Variants in BIN2 observed in about 807,000 individuals in gnomAD.
BIN2 encodes the protein bridging integrator 2.
A neutral mutation model predicts 67.9 loss-of-function variants in BIN2; 43 were observed. That is an observed-to-expected ratio of 0.63 (90% CI 0.50 to 0.82). The LOEUF (loss-of-function observed/expected upper bound fraction) is 0.82. Among genes scored for constraint, BIN2 ranks in the 40% least tolerant of loss-of-function variants. The probability of loss-of-function intolerance (pLI) is 0.00; values close to 1 mark genes in which losing one functional copy is unlikely to be tolerated. For synonymous variants in BIN2, 244 were observed against 246.8 expected (o/e 0.99, Z 0.11); for missense variants, 581 against 671.6 (o/e 0.87, Z 1.49).
chr12:51,297,394 C>T (rs1028416149), intron 7 of BIN2: 13 of 322,006 alleles, frequency 4.0e-5, no homozygotes, highest in South Asian at 4.9e-5. Flanking sequence ...TGGTAAAACC[C>T]GTCTCTACTA....
Position 51,284,791 on chromosome 12 carries a change from C to T in BIN2, c.1597-4G>A, listed in dbSNP as rs749398113. 1.4e-5 allele frequency: 22 copies of T among 1,611,776 alleles called. No individual in the cohort carries two copies. Among genetic ancestry groups the T allele is most frequent in the East Asian group, 4.5e-5 (2 of 44,850 alleles). The stretch of plus-strand genomic sequence containing the variant: ...AGACTTGAAGCTGGTCTTGGCCCTA[C>T]AAAGAGAAGAGTTCTGCCAGTAAGA... On this transcript the variant is annotated splice_region_variant and splice_polypyrimidine_tract_variant and intron_variant, in intron 11 of 12. Coordinates refer to ENST00000615107, the MANE Select transcript of BIN2 (RefSeq NM_016293.4).
chr12:51,303,063 A>G (rs372942644), intron 3 of BIN2, 24 bp downstream of exon 3: 10 of 1,612,206 alleles, frequency 6.2e-6, no homozygotes, highest in Non-Finnish European at 8.5e-6. Flanking sequence ...TGCCCTCTGG[A>G]TTCTCCCATG....
intron 9 of BIN2, among the ~76,000 whole-genome samples, chr12:51,294,335 A>G (rs1159851812): frequency 1.3e-5 from 2 of 152,158 alleles, no homozygotes; most frequent in African/African-American, 4.8e-5. Context: ...CTGGGAGGCC[A>G]AGGCGGGCGG....
chr12:51,317,316 T>G (rs183451332), intron 1 of BIN2, among the ~76,000 whole-genome samples: 1 of 152,310 alleles, frequency 6.6e-6, no homozygotes, highest in East Asian at 1.9e-4. Context: ...AAGACTGATC[T>G]AGGAGAGGAT....
intron 9 of BIN2, among the ~76,000 whole-genome samples, chr12:51,293,119 G>A (rs1945434126): frequency 6.6e-5 from 10 of 151,792 alleles, no homozygotes; most frequent in Admixed American, 6.6e-4. Flanking sequence ...GTGACCAGGG[G>A]CTCACAGAAA....
intron 2 of BIN2, among the ~76,000 whole-genome samples, chr12:51,311,473 G>A (rs74598463): frequency 0.13 from 19,958 of 152,036 alleles, 1,454 homozygotes; most frequent in East Asian, 0.24. Flanking sequence ...TGGAATTCCT[G>A]GGGTCAAGCA....
At chr12:51,307,382 A>G (rs1945893957) in intron 2 of BIN2, among the ~76,000 whole-genome samples, 2 of 152,090 alleles carry the variant, frequency 1.3e-5, no homozygotes, top group Admixed American at 1.3e-4. Flanking sequence ...TATTTCAAAA[A>G]TAAATACAAT....
chr12:51,281,309 C>T lies in BIN2; in HGVS notation c.*190G>A. On this transcript the variant is annotated 3_prime_UTR_variant, in exon 13 of 13. Transcript: ENST00000615107. ...AGTCTAATGTTCTCTTCTCCCCAGC[C>T]TGCCTCCCTCCATCCCTCCCGTAAG... The T allele has an allele frequency of 1.6e-6, 1 of 614,054 alleles. No homozygotes were observed. The allele number at this position is 614,054 out of a possible 1,614,324, so 38.0% of individuals were successfully genotyped here.
chr12:51,314,845 T>C (rs1418685474), intron 1 of BIN2, among the ~76,000 whole-genome samples: 1 of 151,860 alleles, frequency 6.6e-6, no homozygotes, highest in Non-Finnish European at 1.5e-5. Context: ...CTGAATGTCA[T>C]TGTTATTATT....
rs143305160 is a variant in BIN2 at position 51,313,871 on chromosome 12, G to C, written c.114C>G (p.Thr38=). Reference sequence around the variant, plus strand: ...CGCTTTGTTCAAATCGTTCATCTTTGGTTTCTACAGCTTTCCCCAATTTCT... The same window carrying C: ...CGCTTTGTTCAAATCGTTCATCTTTCGTTTCTACAGCTTTCCCCAATTTCT... The part of the protein sequence containing the change: ...VLQKLGKAVE[T]KDERFEQSAS... The change falls in exon 2 of 13, where the codon ACC becomes ACG. Residue 38 remains threonine (T), a synonymous_variant. Coordinates refer to ENST00000615107, the MANE Select transcript of BIN2 (RefSeq NM_016293.4). The C allele has an allele frequency of 3.7e-4, 602 of 1,613,868 alleles. 2 individuals are homozygous for C. The African/African-American group carries it at 7.0e-3, about 19-fold the overall frequency.
At chr12:51,290,480 AG>A (rs1219350395) in intron 10 of BIN2, among the ~76,000 whole-genome samples, 2 of 152,150 alleles carry the variant, frequency 1.3e-5, no homozygotes, top group Non-Finnish European at 2.9e-5. Flanking sequence ...AGGAAAAGAA[AG>A]AAATTAGTAA....
rs1945659079 is a variant in BIN2, at chr12:51,299,411, CT to C, written c.517-124del. ...TTTAGGAGCCATCCCTCTTCTTCCC[CT>C]GACCATGCCCTCCCCAGCCTCAAGA... On this transcript the variant is annotated intron_variant, in intron 6 of 12. Coordinates refer to ENST00000615107, the MANE Select transcript of BIN2 (RefSeq NM_016293.4). 26 of 1,038,760 alleles carry C rather than the reference CT, an allele frequency of 2.5e-5. No homozygotes were observed. In the South Asian group the frequency reaches 3.6e-4, roughly 14 times the overall value. The allele number at this position is 1,038,760 out of a possible 1,614,324, so 64.3% of individuals were successfully genotyped here.
At chr12:51,321,889 T>A (rs1946292848) in intron 1 of BIN2, among the ~76,000 whole-genome samples, 2 of 152,250 alleles carry the variant, frequency 1.3e-5, no homozygotes, top group Admixed American at 1.3e-4. Context: ...TATCTTGGTC[T>A]CAATAACTTC....
rs570302284 is a variant in BIN2 at position 51,323,945 on chromosome 12, C to T, written c.81+77G>A. The T allele has an allele frequency of 3.2e-6, 5 of 1,569,834 alleles. No individual in the cohort carries two copies. The South Asian group carries it at 3.5e-5, about 11-fold the overall frequency. The stretch of plus-strand genomic sequence containing the variant: ...TCGGGGCCCCTGAGCACCCTGCCCG[C>T]CCCTCCTGCCCGGCCGGGCTCGGCC... On this transcript the variant is annotated intron_variant, in intron 1 of 12. Transcript: ENST00000615107.
chr12:51,316,069 C>T (rs1946119431), intron 1 of BIN2, among the ~76,000 whole-genome samples: 2 of 152,202 alleles, frequency 1.3e-5, no homozygotes, highest in Admixed American at 1.3e-4. Context: ...CCCCTGGTCT[C>T]ACTGCCACAG....
In BIN2 at chr12:51,302,681, C is replaced by T; in HGVS notation, c.312+5G>A. ...AATAAGTTGTAAAACTCAAGCCACT[C>T]TTACCCATACGATGGCCTTCAGCTC... On this transcript the variant is annotated splice_donor_5th_base_variant and intron_variant, in intron 4 of 12. Coordinates refer to ENST00000615107, the MANE Select transcript of BIN2 (RefSeq NM_016293.4). The T allele has an allele frequency of 6.2e-7, 1 of 1,611,566 alleles. No homozygotes were observed.
chr12:51,294,566 CAA>C (rs112987316), intron 9 of BIN2, among the ~76,000 whole-genome samples: 20 of 90,372 alleles, frequency 2.2e-4, no homozygotes, highest in East Asian at 3.3e-4. Context: ...GACCCTGTCT[CAA>C]AAAAAAAAAA....
chr12:51,311,301 C>T (rs1000800730), intron 2 of BIN2, among the ~76,000 whole-genome samples: 1 of 152,074 alleles, frequency 6.6e-6, no homozygotes, highest in African/African-American at 2.4e-5. Flanking sequence ...CCTCCCACCT[C>T]GGCCTCCCAC....
chr12:51,316,444 CAAGAT>C (rs1946135746), intron 1 of BIN2, among the ~76,000 whole-genome samples: 1 of 151,578 alleles, frequency 6.6e-6, no homozygotes, highest in African/African-American at 2.4e-5. Context: ...TGCAGTGAGC[CAAGAT>C]TGTGTCACTG....
Sources: allele counts gnomAD v4.1 joint callset (sites outside exome capture counted in the v4.1 genomes callset), GRCh38; gene constraint gnomAD v4.1.1; transcripts MANE v1.5; gene names NCBI Gene and HGNC (gene_info 2026-07-23, HGNC 2026-07-21).